Variants in FADS2 observed in about 807,000 individuals in gnomAD.
FADS2 encodes the protein acyl-CoA 6-desaturase.
Under a neutral mutation model 61.2 loss-of-function variants are expected in FADS2, and 18 were observed. The observed-to-expected ratio is 0.29, with a 90% CI of 0.20 to 0.44. FADS2 has a LOEUF of 0.44. FADS2 is among the 20% of genes least tolerant of loss of function. FADS2 has a pLI of 1.00. For missense variants in FADS2, 322 were observed against 572.7 expected (o/e 0.56, Z 4.47); for synonymous variants, 203 against 223.9 (o/e 0.91, Z 0.83).
At chr11:61,849,933 A>C (rs934272859) in intron 5 of FADS2, 1 of 152,014 alleles carries the variant, frequency 6.6e-6, no homozygotes, top group African/African-American at 2.4e-5. Flanking sequence ...GGGGAGGCTG[A>C]GGTGGGGGAA....
chr11:61,816,344 C>A lies in FADS2; in HGVS notation c.59C>A (p.Pro20His). The A allele has an allele frequency of 6.3e-7, 1 of 1,598,396 alleles. No individual in the cohort carries two copies. Among genetic ancestry groups the A allele is most frequent in the Non-Finnish European group, 8.5e-7 (1 of 1,179,784 alleles). ...GTGTGCGTGTTGTTGGCCTCCATCC[C>A]CACTCCCCAGACTCCACTTCTCCAG... Residue 20 changes from proline to histidine, a missense_variant, in exon 1 of 12, where the codon CCC becomes CAC. Physicochemically the swap from Pro to His is moderately conservative, Grantham distance 77 (BLOSUM62 -2). Transcript: ENST00000257261. This position sits in a 1 kb window ranked among gnomAD's most constrained non-coding sequence, Gnocchi z 7.0.
chr11:61,840,733 T>C lies in FADS2; in HGVS notation c.618+8T>C. ...GTCATTGGCCACTTAAAGGTAAGTG[T>C]CAGCAGCCCTGGGCATCTGTCCTGT... On this transcript the variant is annotated splice_region_variant and intron_variant, in intron 4 of 11. Transcript: ENST00000278840. The C allele has an allele frequency of 6.2e-7, 1 of 1,600,376 alleles. No individual in the cohort carries two copies. The highest frequency in any genetic ancestry group is 1.7e-5 in the Admixed American group (1 of 60,006).
intron 9 of FADS2, 34 bp from the exon 10 acceptor site, chr11:61,863,661 CTTGGGCCTTCCT>C: frequency 1.3e-6 from 2 of 1,552,606 alleles, no homozygotes; most frequent in Non-Finnish European, 1.8e-6. Flanking sequence ...AGGCCGGGCC[CTTGGGCCTTCCT>C]TTGTTCCCTG....
chr11:61,824,441 AGGGAGG>A (rs1565325197), upstream of FADS2, among the ~76,000 whole-genome samples: 7 of 3,544 alleles, frequency 2.0e-3, no homozygotes, highest in East Asian at 0.065. Flanking sequence ...AGAGGGAGGG[AGGGAGG>A]GAGGGAGGGA....
At chr11:61,826,040 G>A (rs775766923), upstream of FADS2, 24 of 701,916 alleles carry the variant, frequency 3.4e-5, no homozygotes, top group Admixed American at 1.0e-4. Context: ...AGTTTCTCCC[G>A]TACATCCCAG....
At chr11:61,829,632 C>T (rs976469551) in intron 1 of FADS2, among the ~76,000 whole-genome samples, 3 of 152,062 alleles carry the variant, frequency 2.0e-5, no homozygotes, top group African/African-American at 7.2e-5. Flanking sequence ...GAAGAAAGGG[C>T]GGCTTTTGGT....
intron 2 of FADS2, among the ~76,000 whole-genome samples, chr11:61,838,765 A>G (rs1168234462): frequency 1.3e-5 from 2 of 151,554 alleles, no homozygotes; most frequent in East Asian, 3.9e-4. Context: ...CCTGCCCTGT[A>G]CCCATGCCAG....
chr11:61,817,016 C>T, intron 1 of FADS2: 1 of 1,317,316 alleles, frequency 7.6e-7, no homozygotes, highest in East Asian at 3.1e-5. Flanking sequence ...CACGCGCCCC[C>T]TCGCGGGCTC....
chr11:61,824,619 A>G (rs1780275423), upstream of FADS2, among the ~76,000 whole-genome samples: 1 of 152,138 alleles, frequency 6.6e-6, no homozygotes, highest in African/African-American at 2.4e-5. Flanking sequence ...GGAATACTGT[A>G]GCGGTCTGTA....
At chr11:61,841,025 GTTTT>G (rs2067213488) in intron 4 of FADS2, among the ~76,000 whole-genome samples, 1 of 150,814 alleles carries the variant, frequency 6.6e-6, no homozygotes, top group South Asian at 2.1e-4. Context: ...TAACAAATCT[GTTTT>G]TGTTTGGGGA....
intron 4 of FADS2, among the ~76,000 whole-genome samples, chr11:61,841,449 A>G (rs969896424): frequency 1.3e-5 from 2 of 151,096 alleles, no homozygotes; most frequent in Non-Finnish European, 3.0e-5. Context: ...CTGTAATCCC[A>G]GCCACCTGGG....
intron 2 of FADS2, among the ~76,000 whole-genome samples, chr11:61,839,987 G>A (rs1325008303): frequency 1.3e-5 from 2 of 152,214 alleles, no homozygotes; most frequent in Non-Finnish European, 2.9e-5. Flanking sequence ...TAGACCACGT[G>A]TTGCTGATCC....
chr11:61,832,964 C>G (rs2067140972), intron 1 of FADS2, among the ~76,000 whole-genome samples: 1 of 152,210 alleles, frequency 6.6e-6, no homozygotes, highest in African/African-American at 2.4e-5. Context: ...AATCCTGGCA[C>G]CAGGTGCTCA....
At position 61,837,811 on chromosome 11, in the gene FADS2, T is replaced by C; in HGVS notation, c.241T>C (p.Phe81Leu). Residue 81 changes from phenylalanine to leucine, a missense_variant, in exon 2 of 12, where the codon TTC becomes CTC. Around this residue, in one of 3 missense-constraint regions of FADS2, gnomAD observed 40 missense variants for 37.3 expected, o/e 1.07. Transcript: ENST00000278840. ...AFRAFHPDLE[F>L]VGKFLKPLLI... ...CCGCGCCTTCCACCCTGACCTGGAA[T>C]TCGTGGGCAAGTTCTTGAAACCCCT... The C allele has an allele frequency of 1.2e-6, 2 of 1,613,638 alleles. No homozygotes were observed. Among genetic ancestry groups the C allele is most frequent in the Non-Finnish European group, 1.7e-6 (2 of 1,179,814 alleles).
chr11:61,832,766 G>A (rs1272762969), intron 1 of FADS2, among the ~76,000 whole-genome samples: 1 of 152,170 alleles, frequency 6.6e-6, no homozygotes, highest in African/African-American at 2.4e-5. Flanking sequence ...GATCCCTCCT[G>A]TGCATCTCCA....
rs551030170 is a variant in FADS2, at chr11:61,858,013, G to A, written c.882+483G>A. ...GTGTTTTCTCCCGGTTCTGGAGACC[G>A]GAAGTCCAAAACTGAGGTGTTAGCA... On this transcript the variant is annotated intron_variant, in intron 7 of 11. Transcript: ENST00000278840. Among the ~76,000 whole-genome samples, 57 of 152,280 alleles carry A rather than the reference G, an allele frequency of 3.7e-4. 1 individual carries two copies. The highest frequency in any genetic ancestry group is 6.8e-3 in the Middle Eastern group (2 of 294).
upstream of FADS2, among the ~76,000 whole-genome samples, chr11:61,824,726 A>AACTCAGCCG (rs1338824652): frequency 2.6e-5 from 4 of 152,116 alleles, no homozygotes; most frequent in Non-Finnish European, 5.9e-5. Flanking sequence ...CTAATAGAGT[A>AACTCAGCCG]ACTCAGCCGT....
Position 61,865,503 on chromosome 11 carries a change from C to A in FADS2, c.1284-135C>A. 1 of 957,796 alleles carries A rather than the reference C, an allele frequency of 1.0e-6. No homozygotes were observed. The highest frequency in any genetic ancestry group is 1.6e-6 in the Non-Finnish European group (1 of 626,692). 59.3% of individuals were successfully genotyped at this position (957,796 alleles called of 1,614,324 possible). The stretch of plus-strand genomic sequence containing the variant: ...GCTCTGAGCTGACAGCCCCACAGGC[C>A]CAGTGGCAGTGGTAAGCCCTGGTTA... On this transcript the variant is annotated intron_variant, in intron 11 of 11. Transcript: ENST00000278840. This position sits in a 1 kb window ranked among gnomAD's most constrained non-coding sequence, Gnocchi z 4.1.
At chr11:61,839,597 A>C (rs1399199416) in intron 2 of FADS2, among the ~76,000 whole-genome samples, 2 of 152,202 alleles carry the variant, frequency 1.3e-5, no homozygotes, top group Non-Finnish European at 2.9e-5. Context: ...TGCTGGGATT[A>C]AAGTTTTCTT....
Sources: allele counts gnomAD v4.1 joint callset (sites outside exome capture counted in the v4.1 genomes callset), GRCh38; gene constraint gnomAD v4.1.1; regional missense constraint gnomAD v4.1.1; non-coding constraint Gnocchi (gnomAD v3.1); transcripts MANE v1.5; gene names NCBI Gene and HGNC (gene_info 2026-07-23, HGNC 2026-07-21).